BMP6: variants seen among roughly 807,000 people sequenced by gnomAD.
The protein encoded by BMP6 is VG-1-R.
A neutral mutation model predicts 54.1 loss-of-function variants in BMP6; 17 were observed. That is an observed-to-expected ratio of 0.31 (90% CI 0.22 to 0.47). The LOEUF is 0.47. Among genes scored for constraint, BMP6 ranks in the 20% least tolerant of loss-of-function variants. The pLI is 1.00. For missense variants in BMP6, 720 were observed against 690.4 expected, an observed-to-expected ratio of 1.04 and a Z score of -0.48; for synonymous variants, 328 against 291.2, an observed-to-expected ratio of 1.13 and a Z score of -1.28.
rs80307251 is a variant in BMP6, at chr6:7,736,705, G to T, written c.664+9086G>T. Reference sequence around the variant, plus strand: ...AAATGTGGTAACTGAAGAGCAGTTCGTTTGAGGGATATTAGGGGTTTGTGT... The same window carrying T: ...AAATGTGGTAACTGAAGAGCAGTTCTTTTGAGGGATATTAGGGGTTTGTGT... On this transcript the variant is annotated intron_variant, in intron 1 of 6. Coordinates refer to ENST00000283147, the MANE Select transcript of BMP6 (RefSeq NM_001718.6). Among the ~76,000 whole-genome samples the T allele has an allele frequency of 0.012, 1,852 of 152,322 alleles. 78 individuals are homozygous for T. The East Asian group carries it at 0.15, about 12-fold the overall frequency.
In BMP6 at chr6:7,727,476, C is replaced by A. The variant is rs200328714; in HGVS notation, c.521C>A (p.Pro174Gln). 9 of 1,593,318 alleles carry A rather than the reference C, an allele frequency of 5.6e-6. No homozygotes were observed. The highest frequency in any genetic ancestry group is 6.8e-6 in the Non-Finnish European group (8 of 1,174,640). Residue 174 changes from proline (P) to glutamine (Q), a missense_variant, in exon 1 of 7, where the codon CCG (proline) becomes CAG (glutamine). By Grantham distance (76) the Pro-to-Gln change is moderately conservative. This residue lies in a region of BMP6 where 650 missense variants were observed against 556.3 expected (regional missense o/e 1.17). Coordinates refer to ENST00000283147, the MANE Select transcript of BMP6 (RefSeq NM_001718.6). Reference sequence around the variant, plus strand: ...GCCAGCTCGTCCCAGCGTCGGCAGCCGCCCCCGGGCGCCGCGCACCCGCTC... The same window carrying A: ...GCCAGCTCGTCCCAGCGTCGGCAGCAGCCCCCGGGCGCCGCGCACCCGCTC... ...EAASSSQRRQPPPGAAHPLNR... is the reference protein window; with the variant it reads ...EAASSSQRRQQPPGAAHPLNR...
At chr6:7,752,318 C>T (rs1364002488) in intron 1 of BMP6, among the ~76,000 whole-genome samples, 3 of 152,142 alleles carry the variant, frequency 2.0e-5, no homozygotes, top group African/African-American at 7.2e-5. Flanking sequence ...CATTTTAGAC[C>T]TGTGTAATCT....
intron 2 of BMP6, among the ~76,000 whole-genome samples, chr6:7,854,173 CTA>C (rs1297650088): frequency 1.3e-5 from 2 of 152,180 alleles, no homozygotes; most frequent in Non-Finnish European, 2.9e-5. Context: ...TTTCTGGAAA[CTA>C]TGCCTTATAT....
At chr6:7,807,258 C>T (rs181815528) in intron 1 of BMP6, among the ~76,000 whole-genome samples, 2 of 152,244 alleles carry the variant, frequency 1.3e-5, no homozygotes, top group East Asian at 3.9e-4. Context: ...GCAGCATCAG[C>T]ATCTCCTGGG....
chr6:7,733,154 C>T (rs1035936550), intron 1 of BMP6, among the ~76,000 whole-genome samples: 10 of 152,236 alleles, frequency 6.6e-5, no homozygotes, highest in South Asian at 2.1e-4. Context: ...GATCTGCCTG[C>T]CTTGGCCACC....
intron 1 of BMP6, among the ~76,000 whole-genome samples, chr6:7,786,170 T>G (rs541770417): frequency 1.3e-5 from 2 of 152,310 alleles, no homozygotes; most frequent in South Asian, 4.1e-4. Flanking sequence ...TGGATTTTTT[T>G]TTCCTTCTCC....
chr6:7,835,631 T>A (rs1014310045), intron 1 of BMP6, among the ~76,000 whole-genome samples: 1 of 152,208 alleles, frequency 6.6e-6, no homozygotes, highest in Non-Finnish European at 1.5e-5. Flanking sequence ...ATTGCTTCTT[T>A]AAGGCAGCCC....
intron 1 of BMP6, among the ~76,000 whole-genome samples, chr6:7,772,425 A>G (rs567270178): frequency 6.6e-6 from 1 of 152,324 alleles, no homozygotes; most frequent in African/African-American, 2.4e-5. Context: ...TGATGAAATT[A>G]TAAGGACTGA....
rs1367665564 is a variant in BMP6, at chr6:7,743,272, G to T, written c.664+15653G>T. 2.0e-5 allele frequency among the ~76,000 whole-genome samples: 3 copies of T among 152,122 alleles called. No individual in the cohort carries two copies. In the East Asian group the frequency reaches 5.8e-4, roughly 29 times the overall value. ...TGCTGTTTTGCTTTTTATTTTGGGGGGCTGTATTTAGGAACGAACAATAGT... is the reference window on the plus strand; with the variant it reads ...TGCTGTTTTGCTTTTTATTTTGGGGTGCTGTATTTAGGAACGAACAATAGT... On this transcript the variant is annotated intron_variant, in intron 1 of 6. Transcript: ENST00000283147.
At chr6:7,781,328 G>C (rs776495132) in intron 1 of BMP6, among the ~76,000 whole-genome samples, 1 of 151,816 alleles carries the variant, frequency 6.6e-6, no homozygotes, top group African/African-American at 2.4e-5. Context: ...ACCCATGCTC[G>C]TTCATACGTA....
intron 1 of BMP6, among the ~76,000 whole-genome samples, chr6:7,758,465 T>C (rs1412464159): frequency 1.3e-5 from 2 of 152,208 alleles, no homozygotes; most frequent in African/African-American, 4.8e-5. Flanking sequence ...TGTTGGGTCC[T>C]TGCAGGACCT....
In BMP6 at chr6:7,744,607, A is replaced by G. The variant is rs151190352; in HGVS notation, c.664+16988A>G. Among the ~76,000 whole-genome samples the G allele has an allele frequency of 8.5e-3, 1,299 of 152,302 alleles. 10 individuals are homozygous for G. Among genetic ancestry groups the G allele is most frequent in the Middle Eastern group, 0.017 (5 of 294 alleles). ...GAAATGCACATTTCTTAAGCATACC[A>G]TTTGATGAGTTTTGGTGTGTGTATA... is the stretch of plus-strand genomic sequence containing the variant. On this transcript the variant is annotated intron_variant, in intron 1 of 6. Coordinates refer to ENST00000283147, the MANE Select transcript of BMP6 (RefSeq NM_001718.6).
At chr6:7,829,201 A>G (rs889565953) in intron 1 of BMP6, among the ~76,000 whole-genome samples, 11 of 152,190 alleles carry the variant, frequency 7.2e-5, no homozygotes, top group Non-Finnish European at 1.2e-4. Context: ...ACTGTTGCCC[A>G]GTGGAGTTTG....
rs572925800 is a variant in BMP6, at chr6:7,803,815, G to A, written c.665-41325G>A. Among the ~76,000 whole-genome samples, 19 of 152,074 alleles carry A rather than the reference G, an allele frequency of 1.2e-4. 1 individual carries two copies. The South Asian group carries it at 4.0e-3, about 32-fold the overall frequency. On this transcript the variant is annotated intron_variant, in intron 1 of 6. Transcript: ENST00000283147. ...GCTAGTGTATTGTTTAATTGGCCAT[G>A]CTTTTCCTCTCTTAGCAGTTACATA... is the stretch of plus-strand genomic sequence containing the variant.
chr6:7,817,580 G>C lies in BMP6; in HGVS notation c.665-27560G>C, dbSNP rs566242454. Among the ~76,000 whole-genome samples the C allele has an allele frequency of 2.7e-5, 4 of 146,610 alleles. No individual in the cohort carries two copies. The South Asian group carries it at 9.2e-4, about 34-fold the overall frequency. On this transcript the variant is annotated intron_variant, in intron 1 of 6. Coordinates refer to ENST00000283147, the MANE Select transcript of BMP6 (RefSeq NM_001718.6). ...CACACACGGGGGCCTGTCGTGGCGT[G>C]GGGGGTGGGGGGAGGGATAGCATTA... is the stretch of plus-strand genomic sequence containing the variant.
chr6:7,824,556 T>G (rs1758663212), intron 1 of BMP6, among the ~76,000 whole-genome samples: 1 of 152,226 alleles, frequency 6.6e-6, no homozygotes, highest in Non-Finnish European at 1.5e-5. Context: ...GGAGATACCA[T>G]TCAGTCTATT....
intron 1 of BMP6, among the ~76,000 whole-genome samples, chr6:7,733,542 G>A (rs1229402828): frequency 1.3e-5 from 2 of 152,144 alleles, no homozygotes; most frequent in Admixed American, 6.5e-5. Context: ...ACCCAGCCAT[G>A]TGCCCAGCAG....
chr6:7,772,078 AAAAC>A (rs1040840680), intron 1 of BMP6, among the ~76,000 whole-genome samples: 4 of 151,942 alleles, frequency 2.6e-5, no homozygotes, highest in African/African-American at 4.8e-5. Flanking sequence ...AAAACAAAAA[AAAAC>A]AAACCCAAAA....
chr6:7,849,234 G>T (rs1461848459), intron 2 of BMP6, among the ~76,000 whole-genome samples: 1 of 152,126 alleles, frequency 6.6e-6, no homozygotes, highest in Non-Finnish European at 1.5e-5. Context: ...ATCTGTGTCT[G>T]TTAGAATTCA....
Sources: allele counts gnomAD v4.1 joint callset (sites outside exome capture counted in the v4.1 genomes callset), GRCh38; gene constraint gnomAD v4.1.1; regional missense constraint gnomAD v4.1.1; transcripts MANE v1.5; gene names NCBI Gene and HGNC (gene_info 2026-07-23, HGNC 2026-07-21).